The following UBR3 variants were observed in gnomAD, a reference collection of about 807,000 sequenced individuals.
UBR3 encodes the protein E3 ubiquitin-protein ligase UBR3.
Under a neutral mutation model 243.2 loss-of-function variants are expected in UBR3, and 85 were observed. That is an observed-to-expected ratio of 0.35 (90% confidence interval 0.29 to 0.42). The LOEUF (loss-of-function observed/expected upper bound fraction) is 0.42, where lower values mean the gene tolerates loss of function less well. Ranked by LOEUF, UBR3 falls within the 10% of genes least tolerant of loss-of-function variation. The pLI is 1.00. For synonymous variants in UBR3, 748 were observed against 799.8 expected, an observed-to-expected ratio of 0.94 and a Z score of 1.09; for missense variants, 1,686 against 2,300.8, an observed-to-expected ratio of 0.73 and a Z score of 5.47.
chr2:169,913,814 T>C (rs1477048567), intron 10 of UBR3, among the ~76,000 whole-genome samples: 1 of 152,248 alleles, frequency 6.6e-6, no homozygotes, highest in East Asian at 1.9e-4. Flanking sequence ...CTATTTAAAA[T>C]CTATTTCTGC....
At chr2:170,013,498 A>G (rs572354144) in intron 29 of UBR3, among the ~76,000 whole-genome samples, 14 of 152,158 alleles carry the variant, frequency 9.2e-5, no homozygotes, top group Non-Finnish European at 1.9e-4. Context: ...TCCTTTGGAT[A>G]GGTAGTTTTT....
At chr2:169,831,929 G>A (rs1274570971) in intron 1 of UBR3, among the ~76,000 whole-genome samples, 1 of 152,192 alleles carries the variant, frequency 6.6e-6, no homozygotes, top group Non-Finnish European at 1.5e-5. Context: ...TTTAGAGGAA[G>A]GATTCCTTTT....
At chr2:169,937,796 T>A (rs1574242627) in intron 19 of UBR3, among the ~76,000 whole-genome samples, 1 of 152,272 alleles carries the variant, frequency 6.6e-6, no homozygotes, top group African/African-American at 2.4e-5. Context: ...ATTCTGAATT[T>A]TAATATAGGG....
chr2:169,880,928 C>A (rs1028362141), intron 5 of UBR3, among the ~76,000 whole-genome samples: 5 of 152,090 alleles, frequency 3.3e-5, no homozygotes, highest in Non-Finnish European at 2.9e-5. Flanking sequence ...ATGTTCATTT[C>A]TCTTAGATTC....
chr2:169,952,318 G>A (rs2087069731), intron 23 of UBR3, among the ~76,000 whole-genome samples: 1 of 152,168 alleles, frequency 6.6e-6, no homozygotes, highest in Admixed American at 6.5e-5. Flanking sequence ...AAATTGTTAA[G>A]TGCTACAGGA....
intron 1 of UBR3, among the ~76,000 whole-genome samples, chr2:169,836,051 A>C (rs1370788066): frequency 1.8e-4 from 5 of 28,342 alleles, no homozygotes; most frequent in Admixed American, 6.5e-4. Context: ...CTCTATATAT[A>C]TATATATATA....
chr2:169,890,536 G>C (rs200234078), intron 5 of UBR3, among the ~76,000 whole-genome samples: 3 of 53,656 alleles, frequency 5.6e-5, no homozygotes, highest in African/African-American at 1.7e-4. Context: ...GAGAGAGAGA[G>C]AGAGATATAT....
At chr2:169,921,400 C>A (rs1219834142) in intron 11 of UBR3, among the ~76,000 whole-genome samples, 5 of 151,974 alleles carry the variant, frequency 3.3e-5, no homozygotes, top group Non-Finnish European at 5.9e-5. Context: ...CAAGGACTCT[C>A]AGTATATATA....
At chr2:170,022,439 C>G (rs2090415923) in intron 30 of UBR3, among the ~76,000 whole-genome samples, 1 of 152,144 alleles carries the variant, frequency 6.6e-6, no homozygotes, top group South Asian at 2.1e-4. Context: ...CTTCCCCACT[C>G]TATTCCCAAA....
intron 1 of UBR3, among the ~76,000 whole-genome samples, chr2:169,842,655 A>C (rs912267693): frequency 6.6e-6 from 1 of 152,070 alleles, no homozygotes; most frequent in African/African-American, 2.4e-5. Context: ...TAAGAGCTGT[A>C]ACACTCACCG....
chr2:169,837,957 C>T (rs923875659), intron 1 of UBR3, among the ~76,000 whole-genome samples: 35 of 152,148 alleles, frequency 2.3e-4, no homozygotes, highest in Non-Finnish European at 5.0e-4. Context: ...ATTGATATGT[C>T]TCTTATAACA....
At chr2:169,975,483 A>G (rs908679699) in intron 24 of UBR3, among the ~76,000 whole-genome samples, 4 of 152,194 alleles carry the variant, frequency 2.6e-5, no homozygotes, top group African/African-American at 9.7e-5. Flanking sequence ...CTTAAAGTGC[A>G]GTTTAAATTC....
At chr2:169,947,002 A>C (rs1279500999) in intron 21 of UBR3, among the ~76,000 whole-genome samples, 1 of 152,150 alleles carries the variant, frequency 6.6e-6, no homozygotes, top group Non-Finnish European at 1.5e-5. Flanking sequence ...ACTAATGTGT[A>C]AGATTCTCCT....
chr2:170,065,177 C>G (rs1301434836), intron 35 of UBR3, among the ~76,000 whole-genome samples: 1 of 152,126 alleles, frequency 6.6e-6, no homozygotes, highest in Non-Finnish European at 1.5e-5. Flanking sequence ...TTTAATCTGT[C>G]AAGTTACTTC....
chr2:169,857,692 G>T (rs758470370), intron 1 of UBR3, among the ~76,000 whole-genome samples: 1 of 151,564 alleles, frequency 6.6e-6, no homozygotes, highest in Admixed American at 6.6e-5. Context: ...CTCCCAAAGC[G>T]CTGGGATTAC....
intron 28 of UBR3, 73 bp downstream of exon 28, chr2:170,007,263 T>G: frequency 6.8e-7 from 1 of 1,470,918 alleles, no homozygotes; most frequent in Non-Finnish European, 9.2e-7. Flanking sequence ...TTAATTCAGT[T>G]TATAAATTAC....
At chr2:170,011,731 T>C (rs1186078922) in intron 29 of UBR3, among the ~76,000 whole-genome samples, 1 of 151,816 alleles carries the variant, frequency 6.6e-6, no homozygotes, top group East Asian at 1.9e-4. Flanking sequence ...GAAGAAACTG[T>C]TGGAAAATCC....
chr2:169,858,134 G>A (rs2082956047), intron 1 of UBR3, among the ~76,000 whole-genome samples: 1 of 152,106 alleles, frequency 6.6e-6, no homozygotes, highest in Admixed American at 6.6e-5. Flanking sequence ...GGCTTAGCTG[G>A]GTGGTTCTGG....
chr2:169,990,716 TACACACAC>T (rs147119929), intron 25 of UBR3, among the ~76,000 whole-genome samples: 4 of 141,972 alleles, frequency 2.8e-5, no homozygotes, highest in South Asian at 2.2e-4. Context: ...AAAAAAGTTA[TACACACAC>T]ACACACACAC....
Sources: allele counts gnomAD v4.1 joint callset (sites outside exome capture counted in the v4.1 genomes callset), GRCh38; gene constraint gnomAD v4.1.1; transcripts MANE v1.5; gene names NCBI Gene and HGNC (gene_info 2026-07-23, HGNC 2026-07-21).